Variants in FHIT observed in about 807,000 individuals in gnomAD.
The protein encoded by FHIT is bis(5'-adenosyl)-triphosphatase.
A neutral mutation model predicts 17.9 loss-of-function variants in FHIT; 19 were observed. The observed-to-expected ratio is 1.06, with a 90% CI of 0.74 to 1.56. FHIT has a LOEUF of 1.56. Among genes scored for constraint, FHIT ranks in the 40% most tolerant of loss-of-function variants. The pLI, the probability that FHIT is intolerant of heterozygous loss-of-function variation, is 0.00. For synonymous variants in FHIT, 81 were observed against 69.7 expected (o/e 1.16, Z -0.81); for missense variants, 248 against 189.2 (o/e 1.31, Z -1.82).
At chr3:60,326,115 G>A (rs1394307090) in intron 5 of FHIT, among the ~76,000 whole-genome samples, 2 of 152,072 alleles carry the variant, frequency 1.3e-5, no homozygotes, top group East Asian at 1.9e-4. Context: ...CTGGTTTCAT[G>A]GAAGACAATT....
At chr3:59,771,126 T>C (rs1015596036) in intron 8 of FHIT, among the ~76,000 whole-genome samples, 1 of 152,192 alleles carries the variant, frequency 6.6e-6, no homozygotes, top group Non-Finnish European at 1.5e-5. Flanking sequence ...TTTTGTTCTC[T>C]TCTCACATAA....
chr3:60,102,365 A>G (rs185918579), intron 5 of FHIT, among the ~76,000 whole-genome samples: 1 of 152,302 alleles, frequency 6.6e-6, no homozygotes, highest in East Asian at 1.9e-4. Flanking sequence ...GAAAGGAACA[A>G]AGACAAAGTT....
At chr3:60,292,515 T>C (rs1708033498) in intron 5 of FHIT, among the ~76,000 whole-genome samples, 1 of 152,126 alleles carries the variant, frequency 6.6e-6, no homozygotes, top group Non-Finnish European at 1.5e-5. Flanking sequence ...CAACCAAATA[T>C]TTATAGTTAG....
intron 5 of FHIT, among the ~76,000 whole-genome samples, chr3:60,318,347 A>G (rs1055069702): frequency 1.7e-4 from 26 of 152,214 alleles, no homozygotes; most frequent in Admixed American, 5.2e-4. Flanking sequence ...TGAAAGAAAC[A>G]ACACTGAATC....
intron 3 of FHIT, among the ~76,000 whole-genome samples, chr3:60,918,779 T>C (rs1707136592): frequency 6.6e-6 from 1 of 152,226 alleles, no homozygotes; most frequent in South Asian, 2.1e-4. Context: ...TCTCTTTCCA[T>C]TTGATTTTAA....
intron 1 of FHIT, among the ~76,000 whole-genome samples, chr3:61,203,466 G>A (rs1165825500): frequency 3.3e-5 from 5 of 151,804 alleles, no homozygotes; most frequent in Non-Finnish European, 7.4e-5. Flanking sequence ...GCTCACAGTA[G>A]TTTACTTTTG....
chr3:60,940,922 C>A (rs1708382837), intron 3 of FHIT, among the ~76,000 whole-genome samples: 1 of 152,096 alleles, frequency 6.6e-6, no homozygotes, highest in African/African-American at 2.4e-5. Context: ...GTCTCTAAAC[C>A]AGCACTGTCC....
chr3:60,655,215 G>A (rs558097517), intron 4 of FHIT, among the ~76,000 whole-genome samples: 80 of 152,252 alleles, frequency 5.3e-4, no homozygotes, highest in Non-Finnish European at 9.9e-4. Flanking sequence ...TGCATTTAGG[G>A]AGCTCAGCTG....
intron 5 of FHIT, among the ~76,000 whole-genome samples, chr3:60,297,810 A>T (rs1249124385): frequency 1.3e-5 from 2 of 152,076 alleles, no homozygotes; most frequent in South Asian, 2.1e-4. Flanking sequence ...CAGTTCACAC[A>T]TTATCTACCC....
intron 5 of FHIT, among the ~76,000 whole-genome samples, chr3:60,299,558 T>C (rs756923792): frequency 4.6e-5 from 7 of 152,124 alleles, no homozygotes; most frequent in South Asian, 4.1e-4. Flanking sequence ...CTGGGAAACA[T>C]TGGCTTTATT....
chr3:60,929,384 G>A (rs141104972), intron 3 of FHIT, among the ~76,000 whole-genome samples: 100 of 152,244 alleles, frequency 6.6e-4, no homozygotes, highest in East Asian at 6.0e-3. Context: ...GGAGAAGGAA[G>A]TAAAGGGCAT....
chr3:60,989,122 C>T (rs959495736), intron 3 of FHIT, among the ~76,000 whole-genome samples: 7 of 151,884 alleles, frequency 4.6e-5, no homozygotes, highest in Admixed American at 2.6e-4. Flanking sequence ...GACAGCATAC[C>T]CCCATGAAGA....
At chr3:60,511,535 A>G (rs1012431031) in intron 5 of FHIT, among the ~76,000 whole-genome samples, 16 of 152,188 alleles carry the variant, frequency 1.1e-4, no homozygotes, top group African/African-American at 4.8e-5. Flanking sequence ...CTTAGAATAA[A>G]TAGAAGAGAA....
chr3:59,875,810 C>A (rs1703127754), intron 8 of FHIT, among the ~76,000 whole-genome samples: 1 of 152,000 alleles, frequency 6.6e-6, no homozygotes, highest in Non-Finnish European at 1.5e-5. Flanking sequence ...GACATGGATT[C>A]ATATATCATA....
intron 4 of FHIT, among the ~76,000 whole-genome samples, chr3:60,817,744 G>A (rs925357271): frequency 6.6e-6 from 1 of 151,870 alleles, no homozygotes; most frequent in Non-Finnish European, 1.5e-5. Flanking sequence ...ATCCCATTTG[G>A]GATTCACTGC....
At chr3:59,762,144 T>G (rs1158236634) in intron 8 of FHIT, among the ~76,000 whole-genome samples, 1 of 152,106 alleles carries the variant, frequency 6.6e-6, no homozygotes, top group Non-Finnish European at 1.5e-5. Flanking sequence ...ACAACATGGC[T>G]ACACTGGACA....
chr3:60,165,409 CAA>C (rs1701127986), intron 5 of FHIT, among the ~76,000 whole-genome samples: 1 of 152,110 alleles, frequency 6.6e-6, no homozygotes, highest in South Asian at 2.1e-4. Context: ...AGAATGGAAA[CAA>C]AGAGTACATG....
chr3:61,080,570 G>A (rs548555412), intron 2 of FHIT, among the ~76,000 whole-genome samples: 5 of 152,126 alleles, frequency 3.3e-5, no homozygotes, highest in South Asian at 2.1e-4. Flanking sequence ...ATAGATGTTC[G>A]ATATTATAGT....
chr3:59,904,746 C>T (rs1054124373), intron 8 of FHIT, among the ~76,000 whole-genome samples: 5 of 152,144 alleles, frequency 3.3e-5, no homozygotes, highest in Non-Finnish European at 4.4e-5. Context: ...TACTGAGTGA[C>T]GAAAACAGTT....
Sources: allele counts gnomAD v4.1 joint callset (sites outside exome capture counted in the v4.1 genomes callset), GRCh38; gene constraint gnomAD v4.1.1; transcripts MANE v1.5; gene names NCBI Gene and HGNC (gene_info 2026-07-23, HGNC 2026-07-21).